The following MCC variants were observed in gnomAD, a reference collection of about 807,000 sequenced individuals.
The protein encoded by MCC is colorectal mutant cancer protein.
A neutral mutation model predicts 116.2 loss-of-function variants in MCC; 90 were observed. The ratio of observed to expected loss-of-function variants is 0.77; its 90% confidence interval spans 0.65 to 0.92. The LOEUF is 0.92. MCC is among the 40% of genes least tolerant of loss of function. The pLI, the probability that MCC is intolerant of heterozygous loss-of-function variation, is 0.00. For missense variants in MCC, 1,516 were observed against 1,312.2 expected (o/e 1.16, Z -2.40); for synonymous variants, 578 against 510.5 (o/e 1.13, Z -1.78).
intron 11 of MCC, among the ~76,000 whole-genome samples, chr5:113,077,308 A>C (rs557377058): frequency 3.3e-5 from 5 of 152,204 alleles, no homozygotes; most frequent in Non-Finnish European, 5.9e-5. Flanking sequence ...AAGCAGACCA[A>C]ACAGGCATCT....
chr5:113,114,317 G>A (rs537586228), intron 6 of MCC, among the ~76,000 whole-genome samples: 166 of 152,288 alleles, frequency 1.1e-3, no homozygotes, highest in African/African-American at 3.6e-3. Context: ...GATTTAACAC[G>A]GAGAGCGCAA....
At chr5:113,449,003 A>G (rs1002487808) in intron 1 of MCC, among the ~76,000 whole-genome samples, 7 of 152,176 alleles carry the variant, frequency 4.6e-5, no homozygotes, top group African/African-American at 1.4e-4. Context: ...TGTTTGTTGG[A>G]TGCTCCAATT....
At chr5:113,071,343 G>C (rs1754027931) in intron 11 of MCC, 109 bp from the exon 12 acceptor site, 1 of 1,107,862 alleles carries the variant, frequency 9.0e-7, no homozygotes, top group Non-Finnish European at 1.3e-6. Flanking sequence ...ATGTGGGCCT[G>C]TCAGATTAGT....
chr5:113,373,250 G>A (rs957146047), intron 2 of MCC, among the ~76,000 whole-genome samples: 6 of 152,046 alleles, frequency 3.9e-5, no homozygotes, highest in African/African-American at 1.4e-4. Flanking sequence ...TGAGAAGAGA[G>A]TTGTTTCAAT....
chr5:113,209,188 G>C (rs192398001), intron 3 of MCC, among the ~76,000 whole-genome samples: 8 of 152,272 alleles, frequency 5.3e-5, no homozygotes, highest in Middle Eastern at 3.4e-3. Context: ...GATGCTCTAA[G>C]CAATTCATTA....
At chr5:113,101,193 T>C (rs759353986) in intron 8 of MCC, among the ~76,000 whole-genome samples, 2 of 152,076 alleles carry the variant, frequency 1.3e-5, no homozygotes, top group African/African-American at 4.8e-5. Context: ...ACACATAACA[T>C]GCACACTTAA....
chr5:113,184,497 T>TTTTTA (rs1491319610), intron 3 of MCC, among the ~76,000 whole-genome samples: 1 of 117,262 alleles, frequency 8.5e-6, no homozygotes, highest in African/African-American at 3.0e-5. Context: ...TTTTTTTTTT[T>TTTTTA]GGAGACAGAG....
At chr5:113,052,718 G>A (rs928579162) in intron 15 of MCC, among the ~76,000 whole-genome samples, 26 of 152,102 alleles carry the variant, frequency 1.7e-4, no homozygotes, top group African/African-American at 4.8e-4. Flanking sequence ...GCACTGCCAC[G>A]ACCTGCTCTG....
intron 3 of MCC, among the ~76,000 whole-genome samples, chr5:113,293,193 C>A (rs1766574830): frequency 6.6e-6 from 1 of 151,882 alleles, no homozygotes; most frequent in South Asian, 2.1e-4. Context: ...AGGTTTCCCC[C>A]AACCCCATTT....
chr5:113,304,937 T>C (rs1031805388), intron 3 of MCC, among the ~76,000 whole-genome samples: 3 of 152,084 alleles, frequency 2.0e-5, no homozygotes, highest in Non-Finnish European at 4.4e-5. Context: ...TTTCTGGAGC[T>C]GTTTGGGCTA....
chr5:113,448,659 G>C (rs1771293025), intron 1 of MCC, among the ~76,000 whole-genome samples: 8 of 152,104 alleles, frequency 5.3e-5, no homozygotes, highest in Admixed American at 5.2e-4. Context: ...CCTTTGCCTT[G>C]ATCGTAGGAA....
At chr5:113,374,615 T>G (rs1333961325) in intron 2 of MCC, among the ~76,000 whole-genome samples, 1 of 152,170 alleles carries the variant, frequency 6.6e-6, no homozygotes, top group Non-Finnish European at 1.5e-5. Flanking sequence ...CTACGCCATA[T>G]TTGTATTAAT....
chr5:113,126,679 G>A (rs966151607), intron 5 of MCC, among the ~76,000 whole-genome samples: 2 of 152,144 alleles, frequency 1.3e-5, no homozygotes, highest in Admixed American at 1.3e-4. Flanking sequence ...TGAAAGTAAT[G>A]GAAAAAACCG....
At chr5:113,385,285 A>C in intron 1 of MCC, 73 bp from the exon 2 acceptor site, 2 of 1,457,812 alleles carry the variant, frequency 1.4e-6, no homozygotes, top group Middle Eastern at 1.8e-4. Flanking sequence ...TTAATGAAAA[A>C]AAAAAGGTAT....
chr5:113,240,768 A>T (rs989824877), intron 3 of MCC, among the ~76,000 whole-genome samples: 1 of 152,238 alleles, frequency 6.6e-6, no homozygotes, highest in East Asian at 1.9e-4. Context: ...TGAGGAGCAG[A>T]TGGAGGTCTG....
chr5:113,293,716 G>C (rs555946043), intron 3 of MCC, among the ~76,000 whole-genome samples: 2 of 152,116 alleles, frequency 1.3e-5, no homozygotes, highest in Non-Finnish European at 2.9e-5. Context: ...TTGCAAATGC[G>C]CTTGCCTCAA....
chr5:113,261,489 T>C (rs1373985552), intron 3 of MCC, among the ~76,000 whole-genome samples: 1 of 152,100 alleles, frequency 6.6e-6, no homozygotes, highest in Non-Finnish European at 1.5e-5. Context: ...TCTTCTGTAT[T>C]AGACAAAATA....
At chr5:113,439,573 GC>G (rs1438354897) in intron 1 of MCC, among the ~76,000 whole-genome samples, 1 of 152,186 alleles carries the variant, frequency 6.6e-6, no homozygotes, top group African/African-American at 2.4e-5. Flanking sequence ...GCACTAGGAA[GC>G]AAAATCCAAT....
At chr5:113,192,437 A>G (rs2150314408) in intron 3 of MCC, among the ~76,000 whole-genome samples, 1 of 152,326 alleles carries the variant, frequency 6.6e-6, no homozygotes, top group Admixed American at 6.5e-5. Flanking sequence ...GAAATTTGTG[A>G]GTTAAAAAAG....
Sources: gnomAD v4.1 joint callset for allele counts (sites outside exome capture counted in the v4.1 genomes callset) on GRCh38, gnomAD v4.1.1 for gene constraint, MANE v1.5 for transcripts, NCBI Gene and HGNC (gene_info 2026-07-23, HGNC 2026-07-21) for gene names.